STAT1: variants seen among roughly 807,000 people sequenced by gnomAD.
STAT1 encodes signal transducer and activator of transcription 1-alpha/beta.
STAT1 carries 24 observed loss-of-function variants against 111.7 expected under a neutral mutation model. The ratio of observed to expected loss-of-function variants is 0.21; its 90% CI spans 0.16 to 0.30. STAT1 has a LOEUF of 0.30. Ranked by LOEUF, STAT1 falls within the 10% of genes least tolerant of loss-of-function variation. The pLI, the probability that STAT1 is intolerant of heterozygous loss-of-function variation, is 1.00. For synonymous variants in STAT1, 332 were observed against 326.5 expected (o/e 1.02, Z -0.18); for missense variants, 351 against 911.9 (o/e 0.38, Z 7.92).
chr2:190,979,921 C>T lies in STAT1; in HGVS notation c.1633-55G>A. On this transcript the variant is annotated intron_variant, in intron 19 of 24. Coordinates refer to ENST00000361099, the MANE Select transcript of STAT1 (RefSeq NM_007315.4). The surrounding 1 kb of genome is among the most constrained non-coding windows in gnomAD (Gnocchi z 5.8). ...ACAAAAATCTAAAACAATGACTTAC[C>T]ATGGCCCCTCCCACCATCATTTGCA... The T allele has an allele frequency of 8.3e-7, 1 of 1,199,504 alleles. No homozygotes were observed. The highest frequency in any genetic ancestry group is 1.2e-6 in the Non-Finnish European group (1 of 811,774). The allele number at this position is 1,199,504 out of a possible 1,614,324, so 74.3% of individuals were successfully genotyped here. A position where few individuals can be genotyped will look rare whatever the true frequency, so the allele number is the denominator to read the frequency against.
At chr2:191,013,909 C>T (rs991651993) in intron 1 of STAT1, 109 bp downstream of exon 1, 4 of 365,558 alleles carry the variant, frequency 1.1e-5, no homozygotes, top group African/African-American at 2.1e-5. Flanking sequence ...GATCACTATT[C>T]GCGGGTCAGC....
In STAT1 at chr2:190,993,580, G is replaced by A. The variant is rs1027058905; in HGVS notation, c.944+1481C>T. Reference sequence around the variant, plus strand: ...TCATGCTGGACATGTCACTGTAGCTGCCACCGCTGCCACGGCCACCCTTGC... The same window carrying A: ...TCATGCTGGACATGTCACTGTAGCTACCACCGCTGCCACGGCCACCCTTGC... On this transcript the variant is annotated intron_variant, in intron 10 of 24. Transcript: ENST00000361099. The surrounding 1 kb of genome is among the most constrained non-coding windows in gnomAD (Gnocchi z 4.1). 5.0e-6 allele frequency: 3 copies of A among 601,512 alleles called. No individual in the cohort carries two copies. The African/African-American group carries it at 5.6e-5, about 11-fold the overall frequency. 37.3% of individuals were successfully genotyped at this position (601,512 alleles called of 1,614,324 possible).
Position 191,003,351 on chromosome 2 carries a change from C to G in STAT1, c.373-2188G>C, listed in dbSNP as rs183552769. On this transcript the variant is annotated intron_variant, in intron 5 of 24. Transcript: ENST00000361099. This position sits in a 1 kb window ranked among gnomAD's most constrained non-coding sequence, Gnocchi z 4.0. ...TTGAGGAGTTCCATACAGCTTTCTG[C>G]CTGTGCAGGGAAATCTTTGCTGTTG... Among the ~76,000 whole-genome samples the G allele has an allele frequency of 2.4e-3, 373 of 152,310 alleles. 3 individuals are homozygous for G. Among genetic ancestry groups the G allele is most frequent in the African/African-American group, 8.3e-3 (346 of 41,550 alleles).
chr2:191,010,208 C>T (rs760934886), intron 2 of STAT1, among the ~76,000 whole-genome samples: 1 of 152,156 alleles, frequency 6.6e-6, no homozygotes, highest in African/African-American at 2.4e-5. Flanking sequence ...TTCTCCTCCA[C>T]GAAACACATC....
Position 190,978,545 on chromosome 2 carries a change from T to C in STAT1, c.1873+311A>G, listed in dbSNP as rs1196001696. 1.5e-5 allele frequency: 6 copies of C among 406,054 alleles called. No homozygotes were observed. Among genetic ancestry groups the C allele is most frequent in the Admixed American group, 1.1e-4 (3 of 28,356 alleles). The allele number at this position is 406,054 out of a possible 1,614,324, so 25.2% of individuals were successfully genotyped here. ...ATGCTTACTCCTGTGGGAAATGTGA[T>C]TCCTTCCAAGAACGGGTTGCAGATT... is the stretch of plus-strand genomic sequence containing the variant. On this transcript the variant is annotated intron_variant, in intron 21 of 24. Coordinates refer to ENST00000361099, the MANE Select transcript of STAT1 (RefSeq NM_007315.4). The surrounding 1 kb of genome is among the most constrained non-coding windows in gnomAD (Gnocchi z 6.1).
At position 190,990,426 on chromosome 2, in the gene STAT1, G is replaced by A. The variant is rs377090882; in HGVS notation, c.1038-752C>T. ...ATGAAGGCCAGTCCAGTTCTTCAGCGTCTAGCTACTCATCATAAGAAGAAT... is the reference window on the plus strand; with the variant it reads ...ATGAAGGCCAGTCCAGTTCTTCAGCATCTAGCTACTCATCATAAGAAGAAT... On this transcript the variant is annotated intron_variant, in intron 11 of 24. Coordinates refer to ENST00000361099, the MANE Select transcript of STAT1 (RefSeq NM_007315.4). The surrounding 1 kb of genome is among the most constrained non-coding windows in gnomAD (Gnocchi z 5.1). 2.2e-4 allele frequency among the ~76,000 whole-genome samples: 33 copies of A among 152,294 alleles called. No individual in the cohort carries two copies. The South Asian group carries it at 5.6e-3, about 26-fold the overall frequency.
chr2:191,001,221 G>T, intron 5 of STAT1, 58 bp from the exon 6 acceptor site: 1 of 1,367,078 alleles, frequency 7.3e-7, no homozygotes, highest in Middle Eastern at 1.8e-4. Flanking sequence ...GTACTTGCTG[G>T]TTACACTCCA....
In STAT1 at chr2:190,995,030, A is replaced by C; in HGVS notation, c.944+31T>G. 2 of 1,608,956 alleles carry C rather than the reference A, an allele frequency of 1.2e-6. No homozygotes were observed. Among genetic ancestry groups the C allele is most frequent in the Non-Finnish European group, 1.7e-6 (2 of 1,176,004 alleles). ...ATGTTCCTCTGTATAGACCGATTAC[A>C]GAAGGTACAAATAAATGTCCCTTGA... On this transcript the variant is annotated intron_variant, in intron 10 of 24. Transcript: ENST00000361099. The surrounding 1 kb of genome is among the most constrained non-coding windows in gnomAD (Gnocchi z 4.2).
Position 190,979,709 on chromosome 2 carries a change from G to T in STAT1, c.1727+63C>A. 1 of 1,320,860 alleles carries T rather than the reference G, an allele frequency of 7.6e-7. No individual in the cohort carries two copies. The highest frequency in any genetic ancestry group is 1.1e-6 in the Non-Finnish European group (1 of 913,474). 81.8% of individuals were successfully genotyped at this position (1,320,860 alleles called of 1,614,324 possible). On this transcript the variant is annotated intron_variant, in intron 20 of 24. Coordinates refer to ENST00000361099, the MANE Select transcript of STAT1 (RefSeq NM_007315.4). This position sits in a 1 kb window ranked among gnomAD's most constrained non-coding sequence, Gnocchi z 5.8. ...AGTCAAATACTGAAGCTGGACTCAG[G>T]CCTTGTCTCAACCTCGCAGCACTAA...
At chr2:190,994,245 G>A (rs1693635434) in intron 10 of STAT1, among the ~76,000 whole-genome samples, 1 of 152,192 alleles carries the variant, frequency 6.6e-6, no homozygotes, top group East Asian at 1.9e-4. Flanking sequence ...CTAGAAAGGG[G>A]CGTGTGTGGA....
Position 190,989,783 on chromosome 2 carries a change from A to G in STAT1, c.1038-109T>C, listed in dbSNP as rs566940697. On this transcript the variant is annotated intron_variant, in intron 11 of 24. Transcript: ENST00000361099. The surrounding 1 kb of genome is among the most constrained non-coding windows in gnomAD (Gnocchi z 5.0). ...GATAAACTACTCCCCCTCCAGTTTT[A>G]GGGTATTACCAACAAAAAAACTGAC... The G allele has an allele frequency of 7.0e-5, 53 of 756,408 alleles. No homozygotes were observed. The East Asian group carries it at 1.3e-3, about 19-fold the overall frequency. 46.9% of individuals were successfully genotyped at this position (756,408 alleles called of 1,614,324 possible). A position where few individuals can be genotyped will look rare whatever the true frequency, so the allele number is the denominator to read the frequency against.
rs1165619842 is a variant in STAT1, at chr2:190,997,190, T to TC, written c.785+665dup. Among the ~76,000 whole-genome samples, 1 of 152,254 alleles carries TC rather than the reference T, an allele frequency of 6.6e-6. No homozygotes were observed. Among genetic ancestry groups the TC allele is most frequent in the Non-Finnish European group, 1.5e-5 (1 of 68,038 alleles). On this transcript the variant is annotated intron_variant, in intron 9 of 24. Transcript: ENST00000361099. This position sits in a 1 kb window ranked among gnomAD's most constrained non-coding sequence, Gnocchi z 7.3. ...GCTGTGCTCTGTGCTGGAAAGCACT[T>TC]CCCCTTGATCTACGTGGAGTAATCC...
rs1222209131 is a variant in STAT1, at chr2:190,982,347, A to C, written c.1582+36T>G. The C allele has an allele frequency of 6.2e-7, 1 of 1,612,062 alleles. No homozygotes were observed. Among genetic ancestry groups the C allele is most frequent in the African/African-American group, 1.3e-5 (1 of 74,876 alleles). ...TTAGAGAGATATTTTTATGAATTTCAATTTTTATAAACATAACAAGTTAAT... is the reference window on the plus strand; with the variant it reads ...TTAGAGAGATATTTTTATGAATTTCCATTTTTATAAACATAACAAGTTAAT... On this transcript the variant is annotated intron_variant, in intron 18 of 24. Coordinates refer to ENST00000361099, the MANE Select transcript of STAT1 (RefSeq NM_007315.4). This position sits in a 1 kb window ranked among gnomAD's most constrained non-coding sequence, Gnocchi z 7.3.
rs1691865158 is a variant in STAT1 at position 190,975,793 on chromosome 2, C to T, written c.2135+19G>A. 1 of 1,614,078 alleles carries T rather than the reference C, an allele frequency of 6.2e-7. No individual in the cohort carries two copies. Among genetic ancestry groups the T allele is most frequent in the Non-Finnish European group, 8.5e-7 (1 of 1,180,004 alleles). On this transcript the variant is annotated intron_variant, in intron 23 of 24. Transcript: ENST00000361099. The surrounding 1 kb of genome is among the most constrained non-coding windows in gnomAD (Gnocchi z 5.9). ...TGGCTTGAGGTTTGTAAACATGTCA[C>T]TCTTCTGTGTTCACTTACACTTCAG...
chr2:190,993,902 G>C lies in STAT1; in HGVS notation c.944+1159C>G, dbSNP rs1233056840. ...TTCACAAGGCACTGCGCTAGGTCCT[G>C]CTGGGGGAAAAGGGTGACAAAGGCA... On this transcript the variant is annotated intron_variant, in intron 10 of 24. Coordinates refer to ENST00000361099, the MANE Select transcript of STAT1 (RefSeq NM_007315.4). The surrounding 1 kb of genome is among the most constrained non-coding windows in gnomAD (Gnocchi z 4.1). 6.6e-6 allele frequency among the ~76,000 whole-genome samples: 1 copy of C among 152,108 alleles called. No individual in the cohort carries two copies. Among genetic ancestry groups the C allele is most frequent in the Non-Finnish European group, 1.5e-5 (1 of 68,030 alleles).
In STAT1 at chr2:190,970,675, G is replaced by T. The variant is rs762042700; in HGVS notation, c.*28C>A. 5 of 1,611,386 alleles carry T rather than the reference G, an allele frequency of 3.1e-6. No homozygotes were observed. Among genetic ancestry groups the T allele is most frequent in the Non-Finnish European group, 4.2e-6 (5 of 1,178,028 alleles). On this transcript the variant is annotated 3_prime_UTR_variant, in exon 25 of 25. Coordinates refer to ENST00000361099, the MANE Select transcript of STAT1 (RefSeq NM_007315.4). This position sits in a 1 kb window ranked among gnomAD's most constrained non-coding sequence, Gnocchi z 5.4. ...ATCACAGATGAGAAGGAAAACTGTCGCCAGAGAAGATGAAAAAAATTCATG... is the reference window on the plus strand; with the variant it reads ...ATCACAGATGAGAAGGAAAACTGTCTCCAGAGAAGATGAAAAAAATTCATG...
rs1165918318 is a variant in STAT1 at position 190,994,927 on chromosome 2, A to AAAAT, written c.944+133_944+134insATTT. The stretch of plus-strand genomic sequence containing the variant: ...GAGACTCTATCTCAAAAAAAAAAAA[A>AAAAT]ATATATATATATATATATATATATA... On this transcript the variant is annotated intron_variant, in intron 10 of 24. Coordinates refer to ENST00000361099, the MANE Select transcript of STAT1 (RefSeq NM_007315.4). 2.3e-3 allele frequency: 306 copies of AAAAT among 135,046 alleles called. 1 individual carries two copies. Among genetic ancestry groups the AAAAT allele is most frequent in the East Asian group, 6.8e-3 (29 of 4,282 alleles). 8.4% of individuals were successfully genotyped at this position (135,046 alleles called of 1,614,324 possible). A position where few individuals can be genotyped will look rare whatever the true frequency, so the allele number is the denominator to read the frequency against.
chr2:190,995,633 C>G lies in STAT1; in HGVS notation c.786-414G>C, dbSNP rs572808067. On this transcript the variant is annotated intron_variant, in intron 9 of 24. Coordinates refer to ENST00000361099, the MANE Select transcript of STAT1 (RefSeq NM_007315.4). The surrounding 1 kb of genome is among the most constrained non-coding windows in gnomAD (Gnocchi z 4.2). Reference sequence around the variant, plus strand: ...TCAAGGTGAGATTTGGGTGGGGACACGGCCAAACCATATGGCATGGAAACC... The same window carrying G: ...TCAAGGTGAGATTTGGGTGGGGACAGGGCCAAACCATATGGCATGGAAACC... Among the ~76,000 whole-genome samples, 1 of 152,118 alleles carries G rather than the reference C, an allele frequency of 6.6e-6. No homozygotes were observed. The highest frequency in any genetic ancestry group is 1.5e-5 in the Non-Finnish European group (1 of 68,028).
At position 190,983,403 on chromosome 2, in the gene STAT1, A is replaced by G. The variant is rs944951933; in HGVS notation, c.1446+239T>C. ...TACATTTTAAAAATAATAACAATAAAGTGGTATGGAATCACTGACTGCCCT... is the reference window on the plus strand; with the variant it reads ...TACATTTTAAAAATAATAACAATAAGGTGGTATGGAATCACTGACTGCCCT... On this transcript the variant is annotated intron_variant, in intron 17 of 24. Coordinates refer to ENST00000361099, the MANE Select transcript of STAT1 (RefSeq NM_007315.4). This position sits in a 1 kb window ranked among gnomAD's most constrained non-coding sequence, Gnocchi z 5.7. Among the ~76,000 whole-genome samples, 3 of 152,240 alleles carry G rather than the reference A, an allele frequency of 2.0e-5. No homozygotes were observed. Among genetic ancestry groups the G allele is most frequent in the Non-Finnish European group, 4.4e-5 (3 of 68,040 alleles).
Sources: allele counts gnomAD v4.1 joint callset (sites outside exome capture counted in the v4.1 genomes callset), GRCh38; gene constraint gnomAD v4.1.1; non-coding constraint Gnocchi (gnomAD v3.1); transcripts MANE v1.5; gene names NCBI Gene and HGNC (gene_info 2026-07-23, HGNC 2026-07-21).